Variants in OGDH observed in about 807,000 individuals in gnomAD.
OGDH encodes 2-oxoglutarate dehydrogenase complex component E1.
In OGDH, 38 loss-of-function variants were observed where a neutral mutation model predicts 116.6. That is an observed-to-expected ratio of 0.33 (90% CI 0.25 to 0.43). The LOEUF (loss-of-function observed/expected upper bound fraction) is 0.43, where lower values mean the gene tolerates loss of function less well. OGDH is among the 20% of genes least tolerant of loss of function. The probability of loss-of-function intolerance (pLI) is 1.00; values close to 1 mark genes in which losing one functional copy is unlikely to be tolerated. For missense variants in OGDH, 825 were observed against 1,357.2 expected, an observed-to-expected ratio of 0.61 and a Z score of 6.16; for synonymous variants, 488 against 533.3, an observed-to-expected ratio of 0.92 and a Z score of 1.17.
intron 1 of OGDH, among the ~76,000 whole-genome samples, chr7:44,614,030 TC>T (rs550524463): frequency 1.9e-4 from 29 of 152,000 alleles, no homozygotes; most frequent in Admixed American, 1.3e-3. Context: ...GGTCTGAAAC[TC>T]CCAAACTCGG....
At chr7:44,672,353 C>T (rs1006259017) in intron 5 of OGDH, among the ~76,000 whole-genome samples, 3 of 152,142 alleles carry the variant, frequency 2.0e-5, no homozygotes, top group African/African-American at 7.2e-5. Flanking sequence ...GTCTCATTGT[C>T]TGTTGTGAAA....
intron 10 of OGDH, among the ~76,000 whole-genome samples, chr7:44,683,540 T>C (rs1788016157): frequency 6.6e-6 from 1 of 152,198 alleles, no homozygotes; most frequent in Admixed American, 6.5e-5. Flanking sequence ...AAGAATATTT[T>C]CTTCTGGTTC....
At chr7:44,640,238 G>A (rs1014707148) in intron 2 of OGDH, among the ~76,000 whole-genome samples, 11 of 152,186 alleles carry the variant, frequency 7.2e-5, no homozygotes, top group Non-Finnish European at 1.5e-4. Context: ...AGAGTGACCA[G>A]AGTTCTTTAA....
intron 8 of OGDH, 45 bp downstream of exon 8, chr7:44,675,313 C>T (rs750167629): frequency 6.8e-7 from 1 of 1,469,034 alleles, no homozygotes; most frequent in South Asian, 1.1e-5. Context: ...CCCCAACTTA[C>T]ACAAGACCCC....
At position 44,681,984 on chromosome 7, in the gene OGDH, C is replaced by T. The variant is rs559445607; in HGVS notation, c.1335+136C>T. 9.5e-6 allele frequency: 11 copies of T among 1,157,110 alleles called. No individual in the cohort carries two copies. The African/African-American group carries it at 1.1e-4, about 11-fold the overall frequency. The allele number at this position is 1,157,110 out of a possible 1,614,324, so 71.7% of individuals were successfully genotyped here. A position where few individuals can be genotyped will look rare whatever the true frequency, so the allele number is the denominator to read the frequency against. On this transcript the variant is annotated intron_variant, in intron 10 of 22. Coordinates refer to ENST00000222673, the MANE Select transcript of OGDH (RefSeq NM_002541.4). ...ATTAAAAACCAGGTGCAGTGGCTCA[C>T]GCCTGTAATCGTAGCACTTTGGGAA...
In OGDH at chr7:44,696,996, T is replaced by C; in HGVS notation, c.1983T>C (p.Phe661=). The change falls in exon 15 of 23, where the codon TTT becomes TTC. Residue 661 remains phenylalanine (F), a synonymous_variant. Transcript: ENST00000222673. ...VDWALAEYMA[F]GSLLKEGIHI... Reference sequence around the variant, plus strand: ...GGGCTCTAGCGGAGTACATGGCGTTTGGCTCGCTCCTGAAGGAGGGCATCC... The same window carrying C: ...GGGCTCTAGCGGAGTACATGGCGTTCGGCTCGCTCCTGAAGGAGGGCATCC... The C allele has an allele frequency of 1.9e-6, 3 of 1,614,198 alleles. No homozygotes were observed. Among genetic ancestry groups the C allele is most frequent in the Non-Finnish European group, 1.7e-6 (2 of 1,180,038 alleles).
At chr7:44,648,629 G>A (rs1007593570) in intron 4 of OGDH, among the ~76,000 whole-genome samples, 5 of 150,834 alleles carry the variant, frequency 3.3e-5, no homozygotes, top group African/African-American at 1.2e-4. Flanking sequence ...CTCCTCACAG[G>A]CACTTTTGGG....
chr7:44,691,468 G>A (rs1156402652), intron 10 of OGDH, among the ~76,000 whole-genome samples: 1 of 149,098 alleles, frequency 6.7e-6, no homozygotes, highest in African/African-American at 2.5e-5. Flanking sequence ...GGAGGTCAAG[G>A]CTGCAGTGAG....
intron 10 of OGDH, among the ~76,000 whole-genome samples, chr7:44,689,726 G>T (rs1788292086): frequency 1.3e-5 from 2 of 152,048 alleles, no homozygotes; most frequent in Admixed American, 1.3e-4. Flanking sequence ...TTTCTATTCA[G>T]ATCCTCTGCC....
intron 7 of OGDH, 71 bp downstream of exon 7, chr7:44,674,628 G>T: frequency 1.3e-6 from 2 of 1,549,922 alleles, no homozygotes; most frequent in Non-Finnish European, 1.8e-6. Context: ...ACCAGGTAAA[G>T]GCACTGAGAG....
In OGDH at chr7:44,681,779, G is replaced by A; in HGVS notation, c.1266G>A (p.Glu422=). Residue 422 remains glutamate (E), a synonymous_variant, in exon 10 of 23, where the codon GAG becomes GAA. Coordinates refer to ENST00000222673, the MANE Select transcript of OGDH (RefSeq NM_002541.4). ...TTGCTGGCCAGGGCATTGTGTACGA[G>A]ACCTTCCACCTCAGCGACCTGCCAT... ...AAFAGQGIVY[E]TFHLSDLPSY... The A allele has an allele frequency of 6.2e-7, 1 of 1,614,076 alleles. No homozygotes were observed. The highest frequency in any genetic ancestry group is 8.5e-7 in the Non-Finnish European group (1 of 1,180,008).
Position 44,624,483 on chromosome 7 carries a change from A to C in OGDH, c.140A>C (p.Glu47Ala). The change falls in exon 2 of 23, where the codon GAG becomes GCG. Residue 47 changes from glutamate (E) to alanine (A), a missense_variant. This residue lies in a region of OGDH where 126 missense variants were observed against 130.4 expected (regional missense o/e 0.97). Transcript: ENST00000222673. ...IRCYSAPVAA[E>A]PFLSGTSSNY... ...TGCTATTCTGCACCTGTTGCTGCTG[A>C]GCCCTTTCTCAGTGGGACTAGTTCG... 6.2e-7 allele frequency: 1 copy of C among 1,613,316 alleles called. No homozygotes were observed. The highest frequency in any genetic ancestry group is 8.5e-7 in the Non-Finnish European group (1 of 1,179,754).
At chr7:44,677,391 T>G (rs1435841066) in intron 9 of OGDH, among the ~76,000 whole-genome samples, 1 of 152,126 alleles carries the variant, frequency 6.6e-6, no homozygotes, top group East Asian at 1.9e-4. Flanking sequence ...GCACACCCCT[T>G]AGTAGCAGAG....
chr7:44,653,513 C>G (rs1585294653), intron 4 of OGDH, among the ~76,000 whole-genome samples: 2 of 152,058 alleles, frequency 1.3e-5, no homozygotes, highest in Non-Finnish European at 2.9e-5. Context: ...TTGAGATGTA[C>G]TTTACTGGGT....
Position 44,694,329 on chromosome 7 carries a change from G to T in OGDH, c.1516-95G>T. On this transcript the variant is annotated intron_variant, in intron 11 of 22. Transcript: ENST00000222673. The surrounding 1 kb of genome is among the most constrained non-coding windows in gnomAD (Gnocchi z 4.2). ...GCAGGCATGAGGAATGAAGAACGTG[G>T]CCATCACCTAGGAGAGATGGGGCAG... 1 of 1,447,862 alleles carries T rather than the reference G, an allele frequency of 6.9e-7. No homozygotes were observed. The highest frequency in any genetic ancestry group is 9.4e-7 in the Non-Finnish European group (1 of 1,067,514). 89.7% of individuals were successfully genotyped at this position (1,447,862 alleles called of 1,614,324 possible).
chr7:44,697,139 C>G lies in OGDH; in HGVS notation c.2051+75C>G. ...AGGGAGGGGTTCTGGTGTTTCTTTTCCGGAAGACGGTTAGAAACCGGAAGA... is the reference window on the plus strand; with the variant it reads ...AGGGAGGGGTTCTGGTGTTTCTTTTGCGGAAGACGGTTAGAAACCGGAAGA... On this transcript the variant is annotated intron_variant, in intron 15 of 22. Coordinates refer to ENST00000222673, the MANE Select transcript of OGDH (RefSeq NM_002541.4). This position sits in a 1 kb window ranked among gnomAD's most constrained non-coding sequence, Gnocchi z 6.0. The G allele has an allele frequency of 1.3e-6, 2 of 1,559,062 alleles. No individual in the cohort carries two copies. Among genetic ancestry groups the G allele is most frequent in the Non-Finnish European group, 1.7e-6 (2 of 1,146,504 alleles).
At chr7:44,677,079 A>G (rs536791763) in intron 9 of OGDH, among the ~76,000 whole-genome samples, 69 of 152,298 alleles carry the variant, frequency 4.5e-4, no homozygotes, top group Admixed American at 1.5e-3. Flanking sequence ...ATTTGCCCTT[A>G]TTTAACTTCA....
intron 4 of OGDH, among the ~76,000 whole-genome samples, chr7:44,659,957 C>G (rs1446748485): frequency 6.6e-6 from 1 of 152,056 alleles, no homozygotes; most frequent in African/African-American, 2.4e-5. Flanking sequence ...TTCCTTACTT[C>G]TGCTTATTGG....
rs758752503 is a variant in OGDH, at chr7:44,645,344, T to C, written c.240T>C (p.Phe80=). ...KSVHKSWDIF[F]RNTNAGAPPG... is the part of the protein sequence containing the mutation. ...GTCTTTAGTCATGGGACATTTTTTT[T>C]CGCAACACGAATGCCGGAGCCCCAC... Residue 80 remains phenylalanine (F), a synonymous_variant, in exon 3 of 23, where the codon TTT becomes TTC. Transcript: ENST00000222673. 13 of 1,614,064 alleles carry C rather than the reference T, an allele frequency of 8.1e-6. No individual in the cohort carries two copies. The highest frequency in any genetic ancestry group is 1.0e-5 in the Non-Finnish European group (12 of 1,179,956).
Sources: gnomAD v4.1 joint callset for allele counts (sites outside exome capture counted in the v4.1 genomes callset) on GRCh38, gnomAD v4.1.1 for gene constraint, gnomAD v4.1.1 regional missense constraint, Gnocchi (gnomAD v3.1) non-coding constraint, MANE v1.5 for transcripts, NCBI Gene and HGNC (gene_info 2026-07-23, HGNC 2026-07-21) for gene names.